DIAPH2: variants seen among roughly 807,000 people sequenced by gnomAD.
DIAPH2 encodes the protein diaphanous related formin 2.
A neutral mutation model predicts 92.7 loss-of-function variants in DIAPH2; 35 were observed. That is an observed-to-expected ratio of 0.38 (90% CI 0.29 to 0.50). The LOEUF (loss-of-function observed/expected upper bound fraction) is 0.50, where lower values mean the gene tolerates loss of function less well. DIAPH2 is among the 20% of genes least tolerant of loss of function. DIAPH2 has a pLI of 0.94. For synonymous variants in DIAPH2, 301 were observed against 280.4 expected, an observed-to-expected ratio of 1.07 and a Z score of -0.73; for missense variants, 701 against 819.5, an observed-to-expected ratio of 0.86 and a Z score of 1.77.
chrX:96,842,776 TGTAGA>T (rs67122295), intron 4 of DIAPH2, among the ~76,000 whole-genome samples: 11,753 of 110,706 alleles, frequency 0.11, 556 homozygotes, highest in East Asian at 0.31. Flanking sequence ...AAAGTACAGA[TGTAGA>T]GTAAAGAAAT....
intron 22 of DIAPH2, among the ~76,000 whole-genome samples, chrX:97,160,177 C>G (rs1375639068): frequency 9.0e-6 from 1 of 111,677 alleles, no homozygotes; most frequent in Non-Finnish European, 1.9e-5. Flanking sequence ...GGATGTGTAA[C>G]TGCTTTTCTC....
At chrX:96,816,752 T>A (rs748468271) in intron 4 of DIAPH2, among the ~76,000 whole-genome samples, 10 of 112,300 alleles carry the variant, frequency 8.9e-5, no homozygotes, top group Non-Finnish European at 1.7e-4. Context: ...GAAATCAGTA[T>A]ATTGAAGGGA....
chrX:97,105,097 C>T (rs906449193), intron 20 of DIAPH2, among the ~76,000 whole-genome samples: 1 of 111,647 alleles, frequency 9.0e-6, no homozygotes, highest in South Asian at 3.8e-4. Context: ...CACCACTGCA[C>T]TCCAGCCTGG....
intron 4 of DIAPH2, among the ~76,000 whole-genome samples, chrX:96,864,217 T>C (rs2147727631): frequency 9.0e-6 from 1 of 111,359 alleles, no homozygotes; most frequent in East Asian, 2.8e-4. Flanking sequence ...CTAGCTACAG[T>C]TCAGATTGTT....
intron 4 of DIAPH2, among the ~76,000 whole-genome samples, chrX:96,783,575 C>T (rs749154191): frequency 5.3e-5 from 6 of 112,303 alleles, no homozygotes; most frequent in Admixed American, 9.4e-5. Flanking sequence ...CTCTTTATTT[C>T]AGCAGGTCAA....
intron 22 of DIAPH2, among the ~76,000 whole-genome samples, chrX:97,244,602 C>G (rs2068123952): frequency 9.0e-6 from 1 of 111,611 alleles, no homozygotes; most frequent in South Asian, 3.8e-4. Flanking sequence ...TCCAAAGAAA[C>G]AGTTAAACCT....
intron 26 of DIAPH2, among the ~76,000 whole-genome samples, chrX:97,503,803 A>G (rs1399662597): frequency 1.2e-4 from 13 of 112,329 alleles, no homozygotes; most frequent in Non-Finnish European, 1.9e-5. Flanking sequence ...GGCAAAAATA[A>G]GAGAATTGCA....
chrX:97,535,730 G>A (rs986896837), intron 26 of DIAPH2, among the ~76,000 whole-genome samples: 3 of 112,483 alleles, frequency 2.7e-5, no homozygotes, highest in Admixed American at 9.4e-5. Flanking sequence ...GATTACAGGC[G>A]TGAGCCACTG....
chrX:96,819,996 G>A (rs982408132), intron 4 of DIAPH2, among the ~76,000 whole-genome samples: 1 of 111,549 alleles, frequency 9.0e-6, no homozygotes, highest in East Asian at 2.8e-4. Context: ...TCTCTTATTG[G>A]CATCTCCTCT....
intron 2 of DIAPH2, 59 bp from the exon 3 acceptor site, chrX:96,738,527 A>C: frequency 2.0e-6 from 2 of 982,964 alleles, no homozygotes; most frequent in South Asian, 4.8e-5. Flanking sequence ...TCAATTCTTC[A>C]TGTTAGTAGT....
At position 97,282,324 on chromosome X, in the gene DIAPH2, C is replaced by T. The variant is rs749414167; in HGVS notation, c.2844+34485C>T. On this transcript the variant is annotated intron_variant, in intron 23 of 26. Transcript: ENST00000324765. ...TTTTGTTTTGTTTGAGACGGAGTTT[C>T]GCACTGTCGCTTGGGCTGGAGTGCA... Among the ~76,000 whole-genome samples, 28 of 111,619 alleles carry T rather than the reference C, an allele frequency of 2.5e-4. No individual in the cohort carries two copies. In the East Asian group the frequency reaches 4.8e-3, roughly 19 times the overall value.
chrX:96,701,580 GAACA>G (rs772093169), intron 1 of DIAPH2: 1 of 110,763 alleles, frequency 9.0e-6, no homozygotes, highest in African/African-American at 3.3e-5. Flanking sequence ...AACTGACTGT[GAACA>G]ATCATTCGAG....
chrX:97,440,529 T>C (rs1202848337), intron 26 of DIAPH2, among the ~76,000 whole-genome samples: 4 of 102,728 alleles, frequency 3.9e-5, no homozygotes, highest in Non-Finnish European at 7.9e-5. Flanking sequence ...GAGGTGGAGG[T>C]TGCAGTGAGC....
chrX:97,295,332 G>A (rs940660010), intron 23 of DIAPH2, among the ~76,000 whole-genome samples: 3 of 111,841 alleles, frequency 2.7e-5, no homozygotes, highest in Admixed American at 1.9e-4. Flanking sequence ...GTATGAATTA[G>A]GAACAAACAA....
rs762183537 is a variant in DIAPH2 at position 96,813,785 on chromosome X, C to G, written c.447+55527C>G. ...TTTTATTTGTCCTTCACTTATGAAG[C>G]TTAGTTCGGCTGGATATGAAATTCT... On this transcript the variant is annotated intron_variant, in intron 4 of 26. Transcript: ENST00000324765. 3.6e-5 allele frequency among the ~76,000 whole-genome samples: 4 copies of G among 111,679 alleles called. No homozygotes were observed. In the East Asian group the frequency reaches 1.1e-3, roughly 32 times the overall value.
In DIAPH2 at chrX:96,785,723, C is replaced by T. The variant is rs775450108; in HGVS notation, c.447+27465C>T. On this transcript the variant is annotated intron_variant, in intron 4 of 26. Coordinates refer to ENST00000324765, the MANE Select transcript of DIAPH2 (RefSeq NM_006729.5). ...AACTCCTGACCTCAGGTGATCCACC[C>T]GCCTTGGCCTCCCAAAGTGCTGGGA... Among the ~76,000 whole-genome samples the T allele has an allele frequency of 1.7e-4, 19 of 109,308 alleles. 1 individual carries two copies. The Middle Eastern group carries it at 0.014, about 80-fold the overall frequency. The allele number at this position is 109,308 out of a possible 115,157, so 94.9% of individuals were successfully genotyped here. A position where few individuals can be genotyped will look rare whatever the true frequency, so the allele number is the denominator to read the frequency against.
At chrX:96,926,366 T>G (rs752599657) in intron 9 of DIAPH2, among the ~76,000 whole-genome samples, 1 of 111,860 alleles carries the variant, frequency 8.9e-6, no homozygotes, top group Non-Finnish European at 1.9e-5. Flanking sequence ...ATTGGAAATT[T>G]TTAAATGTCA....
At chrX:97,318,436 C>T (rs1343966966) in intron 23 of DIAPH2, among the ~76,000 whole-genome samples, 1 of 107,327 alleles carries the variant, frequency 9.3e-6, no homozygotes, top group East Asian at 2.9e-4. Flanking sequence ...AACGCCCTGC[C>T]GCCCACTGGT....
intron 23 of DIAPH2, among the ~76,000 whole-genome samples, chrX:97,251,101 G>A (rs1212671372): frequency 9.0e-6 from 1 of 111,625 alleles, no homozygotes; most frequent in East Asian, 2.8e-4. Flanking sequence ...AAATTAGATG[G>A]TATAGGAGAG....
Sources: allele counts gnomAD v4.1 joint callset (sites outside exome capture counted in the v4.1 genomes callset), GRCh38; gene constraint gnomAD v4.1.1; transcripts MANE v1.5; gene names NCBI Gene and HGNC (gene_info 2026-07-23, HGNC 2026-07-21).